Variants in PTP4A2 observed in about 807,000 individuals in gnomAD.
PTP4A2 encodes the protein protein tyrosine phosphatase 4A2.
Under a neutral mutation model 22.9 loss-of-function variants are expected in PTP4A2, and 2 were observed. The observed-to-expected ratio is 0.09, with a 90% CI of 0.04 to 0.27. The LOEUF (loss-of-function observed/expected upper bound fraction) is 0.27, where lower values mean the gene tolerates loss of function less well. PTP4A2 is among the 10% of genes least tolerant of loss of function. The probability of loss-of-function intolerance (pLI) is 1.00; values close to 1 mark genes in which losing one functional copy is unlikely to be tolerated. For missense variants in PTP4A2, 103 were observed against 205.1 expected (o/e 0.50, Z 3.04); for synonymous variants, 68 against 69.1 (o/e 0.98, Z 0.08).
At chr1:31,918,547 T>G (rs1038563539) in intron 2 of PTP4A2, among the ~76,000 whole-genome samples, 5 of 152,360 alleles carry the variant, frequency 3.3e-5, no homozygotes, top group South Asian at 2.1e-4. Context: ...AATTACTAAA[T>G]GGCTCTGAAC....
intron 1 of PTP4A2, among the ~76,000 whole-genome samples, chr1:31,927,333 C>G (rs915153116): frequency 2.0e-5 from 3 of 152,168 alleles, no homozygotes; most frequent in African/African-American, 7.2e-5. Context: ...AGGGGAACAA[C>G]AGACACTGGG....
intron 1 of PTP4A2, among the ~76,000 whole-genome samples, chr1:31,924,566 G>GTACA (rs1191974369): frequency 3.9e-5 from 6 of 152,160 alleles, no homozygotes; most frequent in Non-Finnish European, 1.5e-5. Context: ...TTCAGTGCAT[G>GTACA]TACACCATAC....
At chr1:31,923,481 C>T (rs1311867686) in intron 1 of PTP4A2, among the ~76,000 whole-genome samples, 1 of 151,298 alleles carries the variant, frequency 6.6e-6, no homozygotes, top group African/African-American at 2.4e-5. Context: ...ACTACAGGCG[C>T]CCGCTACCAC....
chr1:31,910,306 G>A (rs867515561), intron 4 of PTP4A2, 194 bp from the exon 5 acceptor site: 3 of 504,606 alleles, frequency 5.9e-6, no homozygotes, highest in Admixed American at 3.3e-5. Flanking sequence ...TGGCGGGGCA[G>A]GGGACAGGGT....
At chr1:31,913,490 G>A (rs542170095) in intron 3 of PTP4A2, among the ~76,000 whole-genome samples, 2 of 152,128 alleles carry the variant, frequency 1.3e-5, no homozygotes, top group Admixed American at 6.6e-5. Context: ...GAATCTCCAC[G>A]CTGTTTTCTA....
chr1:31,911,688 G>A lies in PTP4A2; in HGVS notation c.320+8C>T. 1 of 1,573,216 alleles carries A rather than the reference G, an allele frequency of 6.4e-7. No individual in the cohort carries two copies. Among genetic ancestry groups the A allele is most frequent in the Non-Finnish European group, 8.6e-7 (1 of 1,165,104 alleles). On this transcript the variant is annotated splice_region_variant and intron_variant, in intron 4 of 5. Transcript: ENST00000647444. ...CAGACAAAAAGGGTAATAAAGGTAA[G>A]AGTTTACCTTCCCAATCCTGCAACA...
Position 31,915,996 on chromosome 1 carries a change from A to G in PTP4A2, c.97-9T>C. On this transcript the variant is annotated splice_polypyrimidine_tract_variant and intron_variant, in intron 2 of 5. Transcript: ENST00000647444. The stretch of plus-strand genomic sequence containing the variant: ...CCATACTTCTTAAGTTCCTTTAAAA[A>G]AAAAAAAAATTATAATGGAACTTGT... 6.5e-7 allele frequency: 1 copy of G among 1,545,626 alleles called. No individual in the cohort carries two copies. Among genetic ancestry groups the G allele is most frequent in the Non-Finnish European group, 8.7e-7 (1 of 1,143,596 alleles).
intron 3 of PTP4A2, chr1:31,913,944 T>C (rs1348266171): frequency 2.2e-6 from 1 of 453,936 alleles, no homozygotes; most frequent in Non-Finnish European, 4.4e-6. Context: ...ATTTTATTAC[T>C]ACTTTTTAAA....
intron 1 of PTP4A2, among the ~76,000 whole-genome samples, chr1:31,927,927 A>G (rs1328840144): frequency 1.3e-5 from 2 of 152,146 alleles, no homozygotes; most frequent in African/African-American, 2.4e-5. Context: ...GAAAACTTGT[A>G]AACTAAAAAA....
At chr1:31,921,610 T>G (rs964455103) in intron 1 of PTP4A2, 1 of 152,144 alleles carries the variant, frequency 6.6e-6, no homozygotes, top group East Asian at 1.9e-4. Flanking sequence ...TAATCATAAA[T>G]TCCTCTGGAA....
intron 1 of PTP4A2, among the ~76,000 whole-genome samples, chr1:31,934,134 C>G (rs530088422): frequency 8.5e-5 from 13 of 152,072 alleles, no homozygotes; most frequent in Admixed American, 6.5e-4. Flanking sequence ...TGGCGTGTGC[C>G]GGTAATCCAG....
chr1:31,911,159 C>T (rs1282135316), intron 4 of PTP4A2: 1 of 152,326 alleles, frequency 6.6e-6, no homozygotes, highest in South Asian at 2.1e-4. Flanking sequence ...CACCTTGAGG[C>T]AATGGCAGCC....
At chr1:31,933,753 A>G (rs1233659028) in intron 1 of PTP4A2, 1 of 152,100 alleles carries the variant, frequency 6.6e-6, no homozygotes, top group African/African-American at 2.4e-5. Flanking sequence ...AAACCCAACA[A>G]CAATCAATCT....
intron 1 of PTP4A2, chr1:31,921,487 A>G (rs1383253731): frequency 6.6e-6 from 1 of 152,160 alleles, no homozygotes; most frequent in Non-Finnish European, 1.5e-5. Context: ...CCAAACATTA[A>G]TCCCTACCAA....
intron 1 of PTP4A2, among the ~76,000 whole-genome samples, chr1:31,937,457 C>G (rs963241036): frequency 2.0e-5 from 3 of 151,852 alleles, no homozygotes; most frequent in African/African-American, 7.3e-5. Context: ...AGGATGCCTG[C>G]TCACACACTG....
chr1:31,909,957 A>G lies in PTP4A2; in HGVS notation c.395+81T>C, dbSNP rs529228518. On this transcript the variant is annotated intron_variant, in intron 5 of 5. Transcript: ENST00000647444. The stretch of plus-strand genomic sequence containing the variant: ...AAAAAAGCAAATTATCCCATACTAT[A>G]AATGAATATCCCTTCCATAATTCCT... 176 of 1,285,048 alleles carry G rather than the reference A, an allele frequency of 1.4e-4. 3 individuals carry two copies. The South Asian group carries it at 2.1e-3, about 15-fold the overall frequency. The allele number at this position is 1,285,048 out of a possible 1,614,324, so 79.6% of individuals were successfully genotyped here.
intron 1 of PTP4A2, among the ~76,000 whole-genome samples, chr1:31,920,440 T>C (rs1652087232): frequency 1.3e-5 from 2 of 150,748 alleles, no homozygotes; most frequent in Admixed American, 1.3e-4. Flanking sequence ...CAAAACTCTG[T>C]CTCAAAAAAC....
rs762204241 is a variant in PTP4A2, at chr1:31,908,478, T to TC, written c.*373dup. On this transcript the variant is annotated 3_prime_UTR_variant, in exon 6 of 6. Transcript: ENST00000647444. ...TGCCAAGCATAATGGAAGAGTGTGC[T>TC]CCCCAAACAGATGGTTTTGCACAGG... 1.0e-3 allele frequency: 158 copies of TC among 155,186 alleles called. No homozygotes were observed. The highest frequency in any genetic ancestry group is 2.0e-3 in the Non-Finnish European group (142 of 70,604). 9.6% of individuals were successfully genotyped at this position (155,186 alleles called of 1,614,324 possible).
chr1:31,921,114 G>A (rs1480566819), intron 1 of PTP4A2, among the ~76,000 whole-genome samples: 1 of 152,158 alleles, frequency 6.6e-6, no homozygotes, highest in African/African-American at 2.4e-5. Flanking sequence ...TTCACACAAT[G>A]CAGTGGACAT....
Sources: allele counts gnomAD v4.1 joint callset (sites outside exome capture counted in the v4.1 genomes callset), GRCh38; gene constraint gnomAD v4.1.1; transcripts MANE v1.5; gene names NCBI Gene and HGNC (gene_info 2026-07-23, HGNC 2026-07-21).